The following MAGI2 variants were observed in gnomAD, a reference collection of about 807,000 sequenced individuals.
MAGI2 encodes the protein membrane associated guanylate kinase, WW and PDZ domain containing 2, also known as membrane-associated guanylate kinase, WW and PDZ domain-containing protein 2.
Under a neutral mutation model 133.3 loss-of-function variants are expected in MAGI2, and 35 were observed. The observed-to-expected ratio is 0.26, with a 90% CI of 0.20 to 0.35. The LOEUF is 0.35. MAGI2 is among the 10% of genes least tolerant of loss of function. The pLI is 1.00. For synonymous variants in MAGI2, 729 were observed against 710.6 expected (o/e 1.03, Z -0.41); for missense variants, 1,636 against 1,863.4 (o/e 0.88, Z 2.25).
At chr7:78,456,835 C>A (rs1302054459) in intron 6 of MAGI2, 4 of 152,088 alleles carry the variant, frequency 2.6e-5, no homozygotes, top group Non-Finnish European at 5.9e-5. Flanking sequence ...TGATACCAAC[C>A]ATAGTTAAAT....
chr7:79,178,826 T>C (rs529239880), intron 1 of MAGI2, among the ~76,000 whole-genome samples: 2 of 152,160 alleles, frequency 1.3e-5, no homozygotes, highest in Non-Finnish European at 2.9e-5. Context: ...TGGCTATTTC[T>C]GCAAATAATT....
intron 1 of MAGI2, among the ~76,000 whole-genome samples, chr7:79,163,913 C>T (rs991044696): frequency 6.6e-6 from 1 of 152,028 alleles, no homozygotes. Context: ...TACATCTGAT[C>T]CAGGATTTTT....
intron 2 of MAGI2, among the ~76,000 whole-genome samples, chr7:78,833,730 C>T (rs529072643): frequency 1.3e-5 from 2 of 152,266 alleles, no homozygotes; most frequent in African/African-American, 4.8e-5. Flanking sequence ...TCAGAAGCAG[C>T]GCTGAAGCAC....
intron 1 of MAGI2, among the ~76,000 whole-genome samples, chr7:79,300,790 A>G (rs1159130481): frequency 1.3e-5 from 2 of 152,226 alleles, no homozygotes; most frequent in Non-Finnish European, 2.9e-5. Flanking sequence ...GCAGCCCATC[A>G]CATCACAGGC....
intron 6 of MAGI2, among the ~76,000 whole-genome samples, chr7:78,410,374 C>T (rs148231629): frequency 2.1e-4 from 32 of 152,140 alleles, no homozygotes; most frequent in East Asian, 1.4e-3. Context: ...TGATTCTCTA[C>T]GACACAGCTT....
chr7:78,972,742 T>C (rs1356783606), intron 2 of MAGI2, among the ~76,000 whole-genome samples: 1 of 151,924 alleles, frequency 6.6e-6, no homozygotes, highest in Non-Finnish European at 1.5e-5. Flanking sequence ...TTTTAGCAAA[T>C]AGTGGTATTG....
At chr7:79,268,649 CT>C (rs1834650839) in intron 1 of MAGI2, among the ~76,000 whole-genome samples, 2 of 152,182 alleles carry the variant, frequency 1.3e-5, no homozygotes, top group African/African-American at 4.8e-5. Flanking sequence ...ATTTTAGCTT[CT>C]TTTGGATTAT....
At chr7:78,645,879 C>T (rs1366525830) in intron 2 of MAGI2, among the ~76,000 whole-genome samples, 2 of 151,992 alleles carry the variant, frequency 1.3e-5, no homozygotes, top group African/African-American at 4.8e-5. Flanking sequence ...GCTGGGACCA[C>T]AGTTGTGCAC....
chr7:78,991,039 T>C (rs1408601841), intron 2 of MAGI2, among the ~76,000 whole-genome samples: 1 of 151,456 alleles, frequency 6.6e-6, no homozygotes, highest in Admixed American at 6.6e-5. Flanking sequence ...GATTAGATCA[T>C]GGGGGCAGTT....
chr7:78,635,632 T>C (rs1809546235), intron 2 of MAGI2, among the ~76,000 whole-genome samples: 1 of 152,230 alleles, frequency 6.6e-6, no homozygotes, highest in South Asian at 2.1e-4. Context: ...TCCCCCTTTC[T>C]TCTTCCTGGT....
chr7:79,320,603 A>G (rs1380580460), intron 1 of MAGI2, among the ~76,000 whole-genome samples: 1 of 152,182 alleles, frequency 6.6e-6, no homozygotes, highest in Admixed American at 6.5e-5. Context: ...TTTCAAGTTA[A>G]GTTAAAACAA....
chr7:79,405,921 CAAAAAA>C (rs34025242), intron 1 of MAGI2, among the ~76,000 whole-genome samples: 2 of 107,312 alleles, frequency 1.9e-5, no homozygotes, highest in African/African-American at 3.3e-5. Context: ...AACCACAACA[CAAAAAA>C]AAAAAAAAAA....
chr7:78,142,147 C>A (rs1014052403), intron 16 of MAGI2, among the ~76,000 whole-genome samples: 1 of 152,160 alleles, frequency 6.6e-6, no homozygotes, highest in African/African-American at 2.4e-5. Flanking sequence ...GGCAGTCACA[C>A]AGGCCACCAT....
intron 6 of MAGI2, among the ~76,000 whole-genome samples, chr7:78,465,866 T>C (rs1056234038): frequency 6.6e-6 from 1 of 152,172 alleles, no homozygotes; most frequent in African/African-American, 2.4e-5. Context: ...AGTAGACTAT[T>C]GCCATCATTT....
At chr7:78,995,073 G>T (rs1207974273) in intron 2 of MAGI2, among the ~76,000 whole-genome samples, 1 of 151,888 alleles carries the variant, frequency 6.6e-6, no homozygotes, top group South Asian at 2.1e-4. Context: ...AAAATAAAAG[G>T]TTTGCAGGGA....
At chr7:78,546,279 C>T (rs1978326) in intron 3 of MAGI2, among the ~76,000 whole-genome samples, 141,505 of 152,212 alleles carry the variant, frequency 0.93, 65,975 homozygotes, top group South Asian at 0.97. Flanking sequence ...ACTTCTAGTA[C>T]CTCTGCTACC....
chr7:78,704,180 T>C (rs1818365448), intron 2 of MAGI2, among the ~76,000 whole-genome samples: 1 of 151,922 alleles, frequency 6.6e-6, no homozygotes, highest in Non-Finnish European at 1.5e-5. Flanking sequence ...CTGACAAAGG[T>C]CTAATATTCA....
rs200744790 is a variant in MAGI2, at chr7:79,322,788, AAAAAAGAAAAAG to A, written c.301+130220_301+130231del. Among the ~76,000 whole-genome samples the A allele has an allele frequency of 2.0e-5, 3 of 150,444 alleles. No individual in the cohort carries two copies. The South Asian group carries it at 6.3e-4, about 32-fold the overall frequency. ...GAAAGTGAGACTGTCTCAAAAAAAA[AAAAAAGAAAAAG>A]AAAAAGAAAAAGAAGTCCTATGTGG... On this transcript the variant is annotated intron_variant, in intron 1 of 21. Coordinates refer to ENST00000354212, the MANE Select transcript of MAGI2 (RefSeq NM_012301.4).
intron 6 of MAGI2, among the ~76,000 whole-genome samples, chr7:78,371,041 A>C (rs1793857324): frequency 6.6e-6 from 1 of 151,932 alleles, no homozygotes; most frequent in Non-Finnish European, 1.5e-5. Context: ...CTCAGGACTC[A>C]AAAACCCTGT....
Sources: allele counts gnomAD v4.1 joint callset (sites outside exome capture counted in the v4.1 genomes callset), GRCh38; gene constraint gnomAD v4.1.1; transcripts MANE v1.5; gene names NCBI Gene and HGNC (gene_info 2026-07-23, HGNC 2026-07-21).